Variants in ZNF804A observed in about 807,000 individuals in gnomAD.
The protein encoded by ZNF804A is zinc finger protein 804A.
Under a neutral mutation model 16.5 loss-of-function variants are expected in ZNF804A, and 2 were observed. The ratio of observed to expected loss-of-function variants is 0.12; its 90% CI spans 0.05 to 0.38. The LOEUF is 0.38. Among genes scored for constraint, ZNF804A ranks in the 10% least tolerant of loss-of-function variants. ZNF804A has a pLI of 0.99. For missense variants in ZNF804A, 1,473 were observed against 1,390.7 expected (o/e 1.06, Z -0.94); for synonymous variants, 534 against 489.6 (o/e 1.09, Z -1.20).
At chr2:184,812,708 A>G (rs1329931385) in intron 1 of ZNF804A, among the ~76,000 whole-genome samples, 1 of 152,092 alleles carries the variant, frequency 6.6e-6, no homozygotes, top group Non-Finnish European at 1.5e-5. Flanking sequence ...TCTTTCTAGG[A>G]AAAAGAGCTA....
At chr2:184,615,256 AACC>A (rs1375785693) in intron 1 of ZNF804A, among the ~76,000 whole-genome samples, 6 of 152,210 alleles carry the variant, frequency 3.9e-5, no homozygotes, top group Non-Finnish European at 8.8e-5. Flanking sequence ...TGAAGCTGGA[AACC>A]ACCTAATGTA....
At chr2:184,705,047 G>A in intron 1 of ZNF804A, among the ~76,000 whole-genome samples, 1 of 152,202 alleles carries the variant, frequency 6.6e-6, no homozygotes, top group Non-Finnish European at 1.5e-5. Flanking sequence ...AATTGGGCAA[G>A]AAATGAGGCA....
chr2:184,610,326 C>T (rs1468513379), intron 1 of ZNF804A, among the ~76,000 whole-genome samples: 1 of 152,128 alleles, frequency 6.6e-6, no homozygotes, highest in Non-Finnish European at 1.5e-5. Context: ...AGAGAACAGA[C>T]TAAGACATCA....
chr2:184,888,543 A>C (rs1053643624), intron 2 of ZNF804A, among the ~76,000 whole-genome samples: 1 of 152,046 alleles, frequency 6.6e-6, no homozygotes, highest in Non-Finnish European at 1.5e-5. Flanking sequence ...TAGGCATCTC[A>C]TCCCAAAGTG....
chr2:184,763,736 G>A (rs1011286855), intron 1 of ZNF804A, among the ~76,000 whole-genome samples: 8 of 142,878 alleles, frequency 5.6e-5, no homozygotes, highest in Non-Finnish European at 7.5e-5. Flanking sequence ...TCCACCTCCC[G>A]GGTTCATGCC....
intron 2 of ZNF804A, among the ~76,000 whole-genome samples, chr2:184,871,479 G>A (rs748172345): frequency 1.4e-5 from 2 of 147,008 alleles, no homozygotes; most frequent in Non-Finnish European, 3.0e-5. Flanking sequence ...TAACAAAATA[G>A]GAATTCACAG....
intron 2 of ZNF804A, among the ~76,000 whole-genome samples, chr2:184,905,194 T>C (rs10497662): frequency 0.054 from 8,247 of 152,114 alleles, 302 homozygotes; most frequent in East Asian, 0.096. Flanking sequence ...TCCTTTGTCA[T>C]TAAATCCTGC....
chr2:184,862,894 T>C (rs1264301122), intron 1 of ZNF804A, among the ~76,000 whole-genome samples: 1 of 152,126 alleles, frequency 6.6e-6, no homozygotes, highest in African/African-American at 2.4e-5. Flanking sequence ...TAAAAAATGA[T>C]TGTGGTTTCT....
chr2:184,731,579 T>G (rs1455575007), intron 1 of ZNF804A, among the ~76,000 whole-genome samples: 1 of 146,090 alleles, frequency 6.8e-6, no homozygotes, highest in Non-Finnish European at 1.5e-5. Flanking sequence ...TTTTTTTTTT[T>G]TTTTTTTTGA....
intron 2 of ZNF804A, among the ~76,000 whole-genome samples, chr2:184,881,623 T>C (rs1004238842): frequency 3.3e-5 from 5 of 152,094 alleles, no homozygotes; most frequent in Non-Finnish European, 7.4e-5. Flanking sequence ...ATATTCAGCA[T>C]TCTTAAAGAA....
In ZNF804A at chr2:184,872,594, A is replaced by T. The variant is rs530031307; in HGVS notation, c.255+6082A>T. On this transcript the variant is annotated intron_variant, in intron 2 of 3. Transcript: ENST00000302277. ...AACTTTGAATTAGGAAAGTTAGAAA[A>T]TTGTTTTTAAAATGCATTAAATGGA... 1.6e-4 allele frequency among the ~76,000 whole-genome samples: 24 copies of T among 152,306 alleles called. No homozygotes were observed. The South Asian group carries it at 5.0e-3, about 32-fold the overall frequency.
At chr2:184,697,380 A>G (rs953296153) in intron 1 of ZNF804A, among the ~76,000 whole-genome samples, 9 of 152,108 alleles carry the variant, frequency 5.9e-5, no homozygotes, top group Non-Finnish European at 1.0e-4. Flanking sequence ...GAGACACTTA[A>G]CAGAATCCAA....
chr2:184,744,927 A>C (rs1247146928), intron 1 of ZNF804A, among the ~76,000 whole-genome samples: 1 of 151,840 alleles, frequency 6.6e-6, no homozygotes, highest in Non-Finnish European at 1.5e-5. Context: ...GGATGAAAAA[A>C]AGTATTTCAG....
chr2:184,639,585 G>A (rs1193485992), intron 1 of ZNF804A, among the ~76,000 whole-genome samples: 1 of 152,098 alleles, frequency 6.6e-6, no homozygotes, highest in Non-Finnish European at 1.5e-5. Flanking sequence ...ATAAATGCAT[G>A]AGAAAGAAGA....
chr2:184,865,175 A>G (rs1299969235), intron 1 of ZNF804A, among the ~76,000 whole-genome samples: 1 of 151,966 alleles, frequency 6.6e-6, no homozygotes, highest in Non-Finnish European at 1.5e-5. Flanking sequence ...CCACGGCGCC[A>G]GGCCTAGTTA....
chr2:184,660,485 T>C (rs1169439483), intron 1 of ZNF804A, among the ~76,000 whole-genome samples: 1 of 152,208 alleles, frequency 6.6e-6, no homozygotes, highest in East Asian at 1.9e-4. Context: ...AAACTTTGCA[T>C]GCACCCCACC....
In ZNF804A at chr2:184,937,482, A is replaced by T. The variant is rs1685811462; in HGVS notation, c.2086A>T (p.Asn696Tyr). 6.4e-7 allele frequency: 1 copy of T among 1,569,734 alleles called. No homozygotes were observed. The highest frequency in any genetic ancestry group is 1.4e-5 in the African/African-American group (1 of 73,914). ...CAGTTCTAAAAACCACTGTAAAAAG[A>T]ACACAATACTTTTAAATGGACAATC... is the stretch of plus-strand genomic sequence containing the variant. ...TISSKNHCKK[N>Y]TILLNGQSNA... The change falls in exon 4 of 4, where the codon AAC (asparagine) becomes TAC (tyrosine). Residue 696 changes from asparagine (N) to tyrosine (Y), a missense_variant. Physicochemically the swap from Asn to Tyr is moderately radical, Grantham distance 143. Transcript: ENST00000302277.
intron 1 of ZNF804A, among the ~76,000 whole-genome samples, chr2:184,790,895 G>A (rs958522259): frequency 4.6e-5 from 7 of 152,096 alleles, no homozygotes; most frequent in South Asian, 2.1e-4. Flanking sequence ...GAGCCACTGC[G>A]CCCCGCCTCA....
intron 2 of ZNF804A, among the ~76,000 whole-genome samples, chr2:184,898,459 T>C (rs1054407377): frequency 1.3e-5 from 2 of 152,120 alleles, no homozygotes; most frequent in Admixed American, 6.6e-5. Context: ...GTTTTCGTTA[T>C]CTATATTCAC....
Sources: gnomAD v4.1 joint callset for allele counts (sites outside exome capture counted in the v4.1 genomes callset) on GRCh38, gnomAD v4.1.1 for gene constraint, MANE v1.5 for transcripts, NCBI Gene and HGNC (gene_info 2026-07-23, HGNC 2026-07-21) for gene names.